Variants in BSN observed in about 807,000 individuals in gnomAD.
The protein encoded by BSN is protein bassoon.
A neutral mutation model predicts 264.8 loss-of-function variants in BSN; 57 were observed. The ratio of observed to expected loss-of-function variants is 0.22; its 90% confidence interval spans 0.17 to 0.27. The LOEUF (loss-of-function observed/expected upper bound fraction) is 0.27, where lower values mean the gene tolerates loss of function less well. Among genes scored for constraint, BSN ranks in the 10% least tolerant of loss-of-function variants. The pLI, the probability that BSN is intolerant of heterozygous loss-of-function variation, is 1.00. For synonymous variants in BSN, 2,059 were observed against 2,137.3 expected, an observed-to-expected ratio of 0.96 and a Z score of 1.01; for missense variants, 4,615 against 5,232.5, an observed-to-expected ratio of 0.88 and a Z score of 3.64.
At chr3:49,570,839 A>G (rs1379101984) in intron 1 of BSN, among the ~76,000 whole-genome samples, 1 of 152,220 alleles carries the variant, frequency 6.6e-6, no homozygotes, top group Non-Finnish European at 1.5e-5. Flanking sequence ...ACTTGTTTTC[A>G]GAGGCAAGAA....
intron 2 of BSN, among the ~76,000 whole-genome samples, chr3:49,633,289 G>C (rs1269261664): frequency 6.7e-6 from 1 of 148,242 alleles, no homozygotes; most frequent in South Asian, 2.1e-4. Context: ...ACAACTGAGC[G>C]AGACTCTGTC....
chr3:49,656,557 A>G lies in BSN; in HGVS notation c.7001A>G (p.Gln2334Arg), dbSNP rs1431929335. The change falls in exon 5 of 12, where the codon CAG becomes CGG. Residue 2334 changes from glutamine to arginine, a missense_variant. Gln to Arg is a conservative substitution (Grantham distance 43). Transcript: ENST00000296452. ...CCAGCTCCTGCCCCACTAGCTGGCC[A>G]GAAGCCACCAGCAGATGCTGCTCCT... is the stretch of plus-strand genomic sequence containing the variant. Reference protein sequence around the residue: ...GAPAPAPLAGQKPPADAAPGG... With the variant: ...GAPAPAPLAGRKPPADAAPGG... The G allele has an allele frequency of 5.1e-6, 8 of 1,571,920 alleles. No individual in the cohort carries two copies. The highest frequency in any genetic ancestry group is 1.7e-4 in the Middle Eastern group (1 of 5,782).
rs1434056500 is a variant in BSN, at chr3:49,640,086, CG to C, written c.634-2180del. ...GGGGCCTTCTGCCCCAGAGATGAGACGGCACCTTCCCCTGGTGATGACTGGG... is the reference window on the plus strand; with the variant it reads ...GGGGCCTTCTGCCCCAGAGATGAGACGCACCTTCCCCTGGTGATGACTGGG... On this transcript the variant is annotated intron_variant, in intron 2 of 11. Coordinates refer to ENST00000296452, the MANE Select transcript of BSN (RefSeq NM_003458.4). Among the ~76,000 whole-genome samples, 8 of 152,350 alleles carry C rather than the reference CG, an allele frequency of 5.3e-5. No homozygotes were observed. The East Asian group carries it at 1.5e-3, about 29-fold the overall frequency.
chr3:49,655,176 A>G lies in BSN; in HGVS notation c.5620A>G (p.Thr1874Ala). ...VVQMGEGTAGTVTTLLPEEPA... is the reference protein window; with the variant it reads ...VVQMGEGTAGAVTTLLPEEPA... ...GCAGATGGGAGAGGGCACAGCAGGC[A>G]CTGTGACCACACTGCTCCCAGAGGA... The change falls in exon 5 of 12, where the codon ACT becomes GCT. Residue 1874 changes from threonine (T) to alanine (A), a missense_variant. Thr to Ala is a moderately conservative substitution (Grantham distance 58). This residue lies in a region of BSN where 3,415 missense variants were observed against 3,866.4 expected (regional missense o/e 0.88). Transcript: ENST00000296452. 6.2e-7 allele frequency: 1 copy of G among 1,612,866 alleles called. No individual in the cohort carries two copies. Among genetic ancestry groups the G allele is most frequent in the Non-Finnish European group, 8.5e-7 (1 of 1,179,860 alleles).
Position 49,651,841 on chromosome 3 carries a change from A to T in BSN, c.2285A>T (p.His762Leu), listed in dbSNP as rs749961279. ...GGCGAGGAGCAGAAGCAGCGGCCCC[A>T]CTCCTTGTCCATCACGCCTGAGGCC... is the stretch of plus-strand genomic sequence containing the variant. The part of the protein sequence containing the change: ...GTGEEQKQRP[H>L]SLSITPEAFD... Residue 762 changes from histidine (H) to leucine (L), a missense_variant, in exon 5 of 12, where the codon CAC becomes CTC. Around this residue, in one of 3 missense-constraint regions of BSN, gnomAD observed 1,197 missense variants for 1,348.0 expected, o/e 0.89. Transcript: ENST00000296452. This position sits in a 1 kb window ranked among gnomAD's most constrained non-coding sequence, Gnocchi z 5.4. 1 of 1,613,734 alleles carries T rather than the reference A, an allele frequency of 6.2e-7. No individual in the cohort carries two copies. Among genetic ancestry groups the T allele is most frequent in the African/African-American group, 1.3e-5 (1 of 74,994 alleles).
intron 1 of BSN, among the ~76,000 whole-genome samples, chr3:49,567,415 A>G (rs1043531058): frequency 3.3e-5 from 5 of 152,202 alleles, no homozygotes; most frequent in African/African-American, 9.7e-5. Flanking sequence ...TCAAATAGCA[A>G]TTTTTTATTC....
intron 2 of BSN, among the ~76,000 whole-genome samples, chr3:49,639,182 CTTCT>C (rs1575444389): frequency 6.6e-6 from 1 of 150,952 alleles, no homozygotes; most frequent in Non-Finnish European, 1.5e-5. Context: ...AGCTGCCTTG[CTTCT>C]TTCTTTCTTT....
Position 49,554,487 on chromosome 3 carries a change from G to C in BSN, c.-116G>C, listed in dbSNP as rs886636024. On this transcript the variant is annotated 5_prime_UTR_variant, in exon 1 of 12. Transcript: ENST00000296452. ...CGCATGCGCAGCGGCAGGCGGCGGC[G>C]CGAGCCGAGCTGGGAGATGGCGGCG... The C allele has an allele frequency of 8.3e-6, 2 of 240,186 alleles. No individual in the cohort carries two copies. The highest frequency in any genetic ancestry group is 1.3e-5 in the Non-Finnish European group (2 of 148,872). The allele number at this position is 240,186 out of a possible 1,614,324, so 14.9% of individuals were successfully genotyped here. A position where few individuals can be genotyped will look rare whatever the true frequency, so the allele number is the denominator to read the frequency against.
At chr3:49,645,778 T>C (rs181831642) in intron 3 of BSN, among the ~76,000 whole-genome samples, 1 of 152,164 alleles carries the variant, frequency 6.6e-6, no homozygotes, top group Admixed American at 6.5e-5. Context: ...TGGTTAGAGG[T>C]TTCTGATTTC....
At chr3:49,624,317 T>TTTTTTTTTTTTTTAA (rs1559607969) in intron 1 of BSN, among the ~76,000 whole-genome samples, 1 of 127,792 alleles carries the variant, frequency 7.8e-6, no homozygotes, top group Non-Finnish European at 1.7e-5. Context: ...TTTTTTTTTT[T>TTTTTTTTTTTTTTAA]AGACAGGGTC....
At position 49,660,811 on chromosome 3, in the gene BSN, C is replaced by A; in HGVS notation, c.8966C>A (p.Ser2989Tyr). 1 of 1,613,186 alleles carries A rather than the reference C, an allele frequency of 6.2e-7. No individual in the cohort carries two copies. Among genetic ancestry groups the A allele is most frequent in the South Asian group, 1.1e-5 (1 of 91,082 alleles). ...TTGGGTATCACACAACGCAAAGAGT[C>A]TTTGGCCAAAGACCGGGGTGGCCGT... ...LELGITQRKE[S>Y]LAKDRGGRDY... The change falls in exon 6 of 12, where the codon TCT becomes TAT. Residue 2989 changes from serine (S) to tyrosine (Y), a missense_variant. Physicochemically the swap from Ser to Tyr is moderately radical, Grantham distance 144. Transcript: ENST00000296452. This position sits in a 1 kb window ranked among gnomAD's most constrained non-coding sequence, Gnocchi z 7.1.
intron 1 of BSN, among the ~76,000 whole-genome samples, chr3:49,589,768 G>C (rs1217734223): frequency 6.6e-6 from 1 of 150,472 alleles, no homozygotes; most frequent in Non-Finnish European, 1.5e-5. Context: ...TTGGCCTCCT[G>C]AAGTGCTGGG....
intron 2 of BSN, among the ~76,000 whole-genome samples, chr3:49,636,384 G>A (rs1184106695): frequency 6.6e-6 from 1 of 152,164 alleles, no homozygotes; most frequent in African/African-American, 2.4e-5. Flanking sequence ...TGGTGACTAA[G>A]AGGAGTGTGT....
At chr3:49,617,283 TTATATATA>T (rs6147817) in intron 1 of BSN, among the ~76,000 whole-genome samples, 107 of 122,086 alleles carry the variant, frequency 8.8e-4, no homozygotes, top group African/African-American at 3.1e-3. Flanking sequence ...ATAAAATACA[TTATATATA>T]TATATATATA....
rs114882906 is a variant in BSN at position 49,648,073 on chromosome 3, A to G, written c.1519-2539A>G. On this transcript the variant is annotated intron_variant, in intron 3 of 11. Transcript: ENST00000296452. Reference sequence around the variant, plus strand: ...GTGAAGGAGCAAAGCACCAGGGAGCATGTGACCACAGGTAACATCTCTGCT... The same window carrying G: ...GTGAAGGAGCAAAGCACCAGGGAGCGTGTGACCACAGGTAACATCTCTGCT... Among the ~76,000 whole-genome samples the G allele has an allele frequency of 6.0e-3, 912 of 152,366 alleles. 13 individuals are homozygous for G. The highest frequency in any genetic ancestry group is 0.021 in the African/African-American group (880 of 41,578).
chr3:49,554,837 G>C lies in BSN; in HGVS notation c.224+11G>C, dbSNP rs955063271. On this transcript the variant is annotated intron_variant, in intron 1 of 11. Transcript: ENST00000296452. The stretch of plus-strand genomic sequence containing the variant: ...CCCTGGCCCGGGCAGGTAAGCGCGT[G>C]TCTCGGCGCCCGGGGGGCGGTGAGC... 9 of 1,216,924 alleles carry C rather than the reference G, an allele frequency of 7.4e-6. No homozygotes were observed. The highest frequency in any genetic ancestry group is 8.6e-5 in the Admixed American group (2 of 23,302). The allele number at this position is 1,216,924 out of a possible 1,614,324, so 75.4% of individuals were successfully genotyped here. A position where few individuals can be genotyped will look rare whatever the true frequency, so the allele number is the denominator to read the frequency against.
At position 49,575,584 on chromosome 3, in the gene BSN, GAC is replaced by G. The variant is rs560349928; in HGVS notation, c.224+20760_224+20761del. On this transcript the variant is annotated intron_variant, in intron 1 of 11. Transcript: ENST00000296452. ...TATATATGCGTATATATATATTTGA[GAC>G]AGAGTCAAATATATATACATATATA... is the stretch of plus-strand genomic sequence containing the variant. Among the ~76,000 whole-genome samples, 402 of 146,568 alleles carry G rather than the reference GAC, an allele frequency of 2.7e-3. 3 individuals are homozygous for G. The highest frequency in any genetic ancestry group is 9.4e-3 in the African/African-American group (376 of 40,106).
At chr3:49,596,506 T>A (rs1240658389) in intron 1 of BSN, among the ~76,000 whole-genome samples, 3 of 152,226 alleles carry the variant, frequency 2.0e-5, no homozygotes, top group Non-Finnish European at 2.9e-5. Flanking sequence ...CTTTTTTAAA[T>A]TAAAAAAGTT....
In BSN at chr3:49,557,227, A is replaced by G. The variant is rs143798415; in HGVS notation, c.224+2401A>G. On this transcript the variant is annotated intron_variant, in intron 1 of 11. Coordinates refer to ENST00000296452, the MANE Select transcript of BSN (RefSeq NM_003458.4). ...TGTCAGGGTGGCCATGTACAATTAT[A>G]TAATCTGTGCCTTTTCCAAGGAGTG... is the stretch of plus-strand genomic sequence containing the variant. Among the ~76,000 whole-genome samples the G allele has an allele frequency of 1.9e-3, 283 of 152,284 alleles. 2 individuals are homozygous for G. Among genetic ancestry groups the G allele is most frequent in the African/African-American group, 6.4e-3 (266 of 41,542 alleles).
Sources: allele counts gnomAD v4.1 joint callset (sites outside exome capture counted in the v4.1 genomes callset), GRCh38; gene constraint gnomAD v4.1.1; regional missense constraint gnomAD v4.1.1; non-coding constraint Gnocchi (gnomAD v3.1); transcripts MANE v1.5; gene names NCBI Gene and HGNC (gene_info 2026-07-23, HGNC 2026-07-21).